Variants in TASP1 observed in about 807,000 individuals in gnomAD.
The protein encoded by TASP1 is taspase 1, also known as threonine aspartase 1.
TASP1 carries 16 observed loss-of-function variants against 56.6 expected under a neutral mutation model. The observed-to-expected ratio is 0.28, with a 90% confidence interval of 0.19 to 0.43. The LOEUF is 0.43. Among genes scored for constraint, TASP1 ranks in the 20% least tolerant of loss-of-function variants. TASP1 has a pLI of 1.00. For missense variants in TASP1, 393 were observed against 511.6 expected (o/e 0.77, Z 2.24); for synonymous variants, 179 against 184.2 (o/e 0.97, Z 0.23).
chr20:13,259,714 A>G, the TASP1 span, among the ~76,000 whole-genome samples: 2 of 152,258 alleles, frequency 1.3e-5, no homozygotes, highest in Non-Finnish European at 2.9e-5. Flanking sequence ...CTATATCTAC[A>G]GAATGAAAAT....
At chr20:13,117,929 A>G in the TASP1 span, among the ~76,000 whole-genome samples, 1 of 152,210 alleles carries the variant, frequency 6.6e-6, no homozygotes, top group African/African-American at 2.4e-5. Flanking sequence ...GGAGCATGTG[A>G]TGAGTGATCA....
intron 9 of TASP1, among the ~76,000 whole-genome samples, chr20:13,529,902 G>C (rs2045150202): frequency 6.6e-6 from 1 of 152,146 alleles, no homozygotes; most frequent in Admixed American, 6.5e-5. Context: ...CTGACACTGA[G>C]AACCTCACTG....
the TASP1 span, among the ~76,000 whole-genome samples, chr20:13,211,111 C>T: frequency 2.6e-5 from 4 of 151,978 alleles, no homozygotes; most frequent in East Asian, 5.8e-4. Flanking sequence ...AAGTACTGAA[C>T]GAATCTCAGT....
At chr20:13,176,100 A>C in the TASP1 span, among the ~76,000 whole-genome samples, 9 of 152,246 alleles carry the variant, frequency 5.9e-5, no homozygotes, top group Non-Finnish European at 1.2e-4. Flanking sequence ...GAACCATATA[A>C]AAGAAAATTA....
chr20:13,138,918 CACTT>C, the TASP1 span, among the ~76,000 whole-genome samples: 3 of 152,176 alleles, frequency 2.0e-5, no homozygotes, highest in African/African-American at 7.2e-5. Context: ...TTGAATCTCT[CACTT>C]AAAGTTTCCT....
the TASP1 span, among the ~76,000 whole-genome samples, chr20:13,361,199 A>G: frequency 6.6e-5 from 10 of 151,308 alleles, no homozygotes; most frequent in Non-Finnish European, 1.0e-4. Context: ...CCTGAGTCAG[A>G]TAACTAAAAT....
At chr20:13,120,442 T>C in the TASP1 span, among the ~76,000 whole-genome samples, 1 of 152,212 alleles carries the variant, frequency 6.6e-6, no homozygotes, top group Non-Finnish European at 1.5e-5. Context: ...CTCATAGGGT[T>C]CTCAGTAAAC....
chr20:13,545,110 T>G (rs146855946), intron 8 of TASP1, among the ~76,000 whole-genome samples: 15 of 152,250 alleles, frequency 9.9e-5, no homozygotes, highest in African/African-American at 3.4e-4. Flanking sequence ...AAATAGAAAC[T>G]GTTATTCAAA....
intron 13 of TASP1, among the ~76,000 whole-genome samples, chr20:13,410,924 T>G (rs2042074605): frequency 6.6e-6 from 1 of 152,146 alleles, no homozygotes; most frequent in Non-Finnish European, 1.5e-5. Flanking sequence ...CCTGAAGTAT[T>G]TTCCCTATGT....
the TASP1 span, among the ~76,000 whole-genome samples, chr20:13,261,350 A>C: frequency 0.22 from 32,733 of 151,744 alleles, 3,964 homozygotes; most frequent in East Asian, 0.45. Context: ...CCCAGAAGGC[A>C]GAGGTTGCAG....
chr20:13,365,289 AC>A, the TASP1 span, among the ~76,000 whole-genome samples: 3 of 152,210 alleles, frequency 2.0e-5, no homozygotes, highest in Admixed American at 1.3e-4. Context: ...ATTATCCTAG[AC>A]ATTAGGAATT....
intron 8 of TASP1, among the ~76,000 whole-genome samples, chr20:13,547,333 T>C (rs2045844707): frequency 6.6e-6 from 1 of 151,976 alleles, no homozygotes. Context: ...AAAGGAAGAG[T>C]TGAATTAGAA....
rs1218015885 is a variant in TASP1 at position 13,625,171 on chromosome 20, C to T, written c.213+14G>A. On this transcript the variant is annotated intron_variant, in intron 3 of 13. Coordinates refer to ENST00000337743, the MANE Select transcript of TASP1 (RefSeq NM_017714.3). ...AAAACTGCAATGCACAGATCATACA[C>T]ATTGTGTTCATACCTTCTGACAAGC... is the stretch of plus-strand genomic sequence containing the variant. 2 of 1,592,986 alleles carry T rather than the reference C, an allele frequency of 1.3e-6. No homozygotes were observed. Among genetic ancestry groups the T allele is most frequent in the South Asian group, 1.1e-5 (1 of 87,246 alleles).
the TASP1 span, among the ~76,000 whole-genome samples, chr20:13,356,548 A>AT: frequency 2.0e-5 from 3 of 152,112 alleles, no homozygotes; most frequent in Non-Finnish European, 4.4e-5. Flanking sequence ...CAGAAAATCT[A>AT]TTTTTTTCAA....
At chr20:13,348,354 A>C in the TASP1 span, among the ~76,000 whole-genome samples, 1 of 152,218 alleles carries the variant, frequency 6.6e-6, no homozygotes, top group African/African-American at 2.4e-5. Context: ...GATGTGGCCA[A>C]ATGTTGGTGA....
At chr20:13,204,025 C>T in the TASP1 span, among the ~76,000 whole-genome samples, 1 of 152,200 alleles carries the variant, frequency 6.6e-6, no homozygotes, top group Non-Finnish European at 1.5e-5. Context: ...TTTAAAATCA[C>T]CTCGCATAAA....
intron 7 of TASP1, among the ~76,000 whole-genome samples, chr20:13,561,614 G>A (rs543980216): frequency 7.9e-5 from 12 of 152,004 alleles, no homozygotes; most frequent in Non-Finnish European, 1.6e-4. Flanking sequence ...TGATTCGCCC[G>A]CATCAGCCTC....
chr20:13,343,000 C>T, the TASP1 span, among the ~76,000 whole-genome samples: 1 of 152,204 alleles, frequency 6.6e-6, no homozygotes. Context: ...ACTTTGCTGA[C>T]TGAGCCTCTG....
the TASP1 span, chr20:13,221,722 ACCG>A: frequency 4.3e-4 from 555 of 1,303,828 alleles, no homozygotes; most frequent in South Asian, 2.5e-3. Context: ...CCCCGGCGTC[ACCG>A]CCGCCGCCGC....
Sources: gnomAD v4.1 joint callset for allele counts (sites outside exome capture counted in the v4.1 genomes callset) on GRCh38, gnomAD v4.1.1 for gene constraint, MANE v1.5 for transcripts, NCBI Gene and HGNC (gene_info 2026-07-23, HGNC 2026-07-21) for gene names.